The following UBXN6 variants were observed in gnomAD, a reference collection of about 807,000 sequenced individuals.
UBXN6 encodes UBX domain-containing protein 6.
A neutral mutation model predicts 51.4 loss-of-function variants in UBXN6; 44 were observed. That is an observed-to-expected ratio of 0.86 (90% CI 0.67 to 1.10). The LOEUF (loss-of-function observed/expected upper bound fraction) is 1.10. Ranked by LOEUF, UBXN6 falls within the 50% of genes least tolerant of loss-of-function variation. The probability of loss-of-function intolerance (pLI) is 0.00; values close to 1 mark genes in which losing one functional copy is unlikely to be tolerated. For missense variants in UBXN6, 672 were observed against 596.1 expected, an observed-to-expected ratio of 1.13 and a Z score of -1.32; for synonymous variants, 316 against 263.2, an observed-to-expected ratio of 1.20 and a Z score of -1.94.
At chr19:4,450,786 A>AAAAAAAT (rs1974640527) in intron 4 of UBXN6, 1 of 139,780 alleles carries the variant, frequency 7.2e-6, no homozygotes, top group Non-Finnish European at 1.5e-5. Flanking sequence ...AAAAAAAAAA[A>AAAAAAAT]GAGTGCCTAC....
chr19:4,446,360 T>C lies in UBXN6; in HGVS notation c.974A>G (p.Lys325Arg), dbSNP rs1974519890. 6.4e-7 allele frequency: 1 copy of C among 1,572,584 alleles called. No individual in the cohort carries two copies. The highest frequency in any genetic ancestry group is 8.6e-7 in the Non-Finnish European group (1 of 1,165,906). ...CTTGCGCAGCCCCCGCTGCTCCTCCTTCTCCCGCATGGCCTTGGTCCGCAG... is the reference window on the plus strand; with the variant it reads ...CTTGCGCAGCCCCCGCTGCTCCTCCCTCTCCCGCATGGCCTTGGTCCGCAG... ...SVLRTKAMRE[K>R]EEQRGLRKYN... is the part of the protein sequence containing the mutation. The change falls in exon 9 of 11, where the codon AAG (lysine) becomes AGG (arginine). Residue 325 changes from lysine to arginine, a missense_variant. Transcript: ENST00000301281.
rs368127059 is a variant in UBXN6, at chr19:4,446,514, C to A, written c.906G>T (p.Arg302=). The change falls in exon 8 of 11, where the codon CGG becomes CGT. Residue 302 remains arginine (R), a synonymous_variant. Transcript: ENST00000301281. The part of the protein sequence containing the change: ...FFNLTAEEIK[R]EQRLRSEAVE... The stretch of plus-strand genomic sequence containing the variant: ...GTCAGGCCCACCTGAGCCTCTGCTC[C>A]CGCTTGATCTCCTCTGCTGTGAGGT... The A allele has an allele frequency of 1.4e-5, 23 of 1,609,558 alleles. 1 individual carries two copies. The Middle Eastern group carries it at 6.6e-4, about 46-fold the overall frequency.
chr19:4,457,325 C>T (rs1332044421), intron 1 of UBXN6, among the ~76,000 whole-genome samples: 1 of 141,488 alleles, frequency 7.1e-6, no homozygotes, highest in African/African-American at 2.6e-5. Flanking sequence ...CCGAGACCTC[C>T]CCTCCCGCCC....
intron 4 of UBXN6, among the ~76,000 whole-genome samples, 155 bp downstream of exon 4, chr19:4,452,209 G>A (rs530193331): frequency 6.6e-6 from 1 of 152,056 alleles, no homozygotes; most frequent in East Asian, 1.9e-4. Flanking sequence ...ACACAATGGT[G>A]TGCCTGGATT....
intron 4 of UBXN6, among the ~76,000 whole-genome samples, chr19:4,451,764 A>C (rs1006097952): frequency 2.6e-5 from 4 of 151,760 alleles, no homozygotes; most frequent in African/African-American, 9.7e-5. Context: ...CAGCCTCCCG[A>C]GTAGCTGGGA....
In UBXN6 at chr19:4,457,757, G is replaced by C; in HGVS notation, c.-60C>G. 3.9e-6 allele frequency: 4 copies of C among 1,030,888 alleles called. No individual in the cohort carries two copies. Among genetic ancestry groups the C allele is most frequent in the Non-Finnish European group, 5.2e-6 (4 of 771,036 alleles). The allele number at this position is 1,030,888 out of a possible 1,614,324, so 63.9% of individuals were successfully genotyped here. A position where few individuals can be genotyped will look rare whatever the true frequency, so the allele number is the denominator to read the frequency against. On this transcript the variant is annotated 5_prime_UTR_variant, in exon 1 of 11. Transcript: ENST00000301281. ...GGCGGGGGGGCACGGGGCCCAGTCGGGGACGGGGCCGCCGGAGACCAGCCA... is the reference window on the plus strand; with the variant it reads ...GGCGGGGGGGCACGGGGCCCAGTCGCGGACGGGGCCGCCGGAGACCAGCCA...
At chr19:4,454,124 T>C in intron 1 of UBXN6, 31 bp from the exon 2 acceptor site, 1 of 1,501,110 alleles carries the variant, frequency 6.7e-7, no homozygotes, top group Admixed American at 2.2e-5. Flanking sequence ...AGTGAGTGTA[T>C]CCTCCCGAGG....
Position 4,448,302 on chromosome 19 carries a change from G to A in UBXN6, c.539+16C>T, listed in dbSNP as rs1469518167. Reference sequence around the variant, plus strand: ...AGCTGGAGGGGCCAGGCAGGGCAAAGGGGCCACACGCTCACTTGGCAATGG... The same window carrying A: ...AGCTGGAGGGGCCAGGCAGGGCAAAAGGGCCACACGCTCACTTGGCAATGG... On this transcript the variant is annotated intron_variant, in intron 5 of 10. Transcript: ENST00000301281. The A allele has an allele frequency of 1.9e-6, 3 of 1,592,700 alleles. No homozygotes were observed. Among genetic ancestry groups the A allele is most frequent in the Non-Finnish European group, 2.6e-6 (3 of 1,171,372 alleles).
rs113855338 is a variant in UBXN6, at chr19:4,448,335, A to G, written c.522T>C (p.Gly174=). The G allele has an allele frequency of 1.3e-5, 21 of 1,608,400 alleles. No homozygotes were observed. The East Asian group carries it at 4.7e-4, about 36-fold the overall frequency. ...FNKDQDRVKL[G]VDTIAKYLDN... is the part of the protein sequence containing the mutation. The stretch of plus-strand genomic sequence containing the variant: ...ACGCTCACTTGGCAATGGTGTCCAC[A>G]CCCAGCTTCACCCGGTCCTGGTCTT... The change falls in exon 5 of 11, where the codon GGT becomes GGC. Residue 174 remains glycine (G), a synonymous_variant. Transcript: ENST00000301281.
chr19:4,448,299 A>G lies in UBXN6; in HGVS notation c.539+19T>C. On this transcript the variant is annotated intron_variant, in intron 5 of 10. Coordinates refer to ENST00000301281, the MANE Select transcript of UBXN6 (RefSeq NM_025241.3). ...ATGAGCTGGAGGGGCCAGGCAGGGC[A>G]AAGGGGCCACACGCTCACTTGGCAA... 1 of 1,589,844 alleles carries G rather than the reference A, an allele frequency of 6.3e-7. No homozygotes were observed. The highest frequency in any genetic ancestry group is 8.5e-7 in the Non-Finnish European group (1 of 1,169,950).
At chr19:4,452,974 G>A (rs1974679867) in intron 3 of UBXN6, among the ~76,000 whole-genome samples, 1 of 152,120 alleles carries the variant, frequency 6.6e-6, no homozygotes, top group African/African-American at 2.4e-5. Flanking sequence ...AGCTCTGAAG[G>A]CCCACCTCCT....
intron 4 of UBXN6, 148 bp downstream of exon 4, chr19:4,452,216 G>T: frequency 1.8e-6 from 2 of 1,127,552 alleles, no homozygotes; most frequent in Non-Finnish European, 1.2e-6. Context: ...GGTGTGCCTG[G>T]ATTTGGGGTA....
intron 7 of UBXN6, 56 bp downstream of exon 7, chr19:4,446,780 C>T: frequency 1.9e-6 from 3 of 1,613,290 alleles, no homozygotes; most frequent in East Asian, 2.2e-5. Context: ...GCCGGGCCCT[C>T]CTGCCCCGAG....
chr19:4,448,090 C>T, intron 5 of UBXN6: 1 of 583,562 alleles, frequency 1.7e-6, no homozygotes, highest in Non-Finnish European at 3.1e-6. Context: ...GGGTGGGAAA[C>T]CCCTGATTCC....
chr19:4,446,026 T>C (rs1974505198), intron 10 of UBXN6, 23 bp downstream of exon 10: 1 of 1,597,004 alleles, frequency 6.3e-7, no homozygotes, highest in Non-Finnish European at 8.5e-7. Context: ...GGGTCAGCGG[T>C]GCTCCTGCGG....
chr19:4,452,736 C>T (rs901641883), intron 3 of UBXN6, among the ~76,000 whole-genome samples: 1 of 152,158 alleles, frequency 6.6e-6, no homozygotes, highest in South Asian at 2.1e-4. Flanking sequence ...ACGGAAAGTA[C>T]GGAGCAGCTT....
chr19:4,445,192 G>A lies in UBXN6; in HGVS notation c.*306C>T. On this transcript the variant is annotated 3_prime_UTR_variant, in exon 11 of 11. Coordinates refer to ENST00000301281, the MANE Select transcript of UBXN6 (RefSeq NM_025241.3). ...TGCTGCAGGCCTGCTCTCCTGCCCA[G>A]GGAGATGCCACGTGTGTCTGTCCGG... The A allele has an allele frequency of 2.7e-6, 1 of 369,748 alleles. No individual in the cohort carries two copies. The highest frequency in any genetic ancestry group is 5.1e-6 in the Non-Finnish European group (1 of 195,764). The allele number at this position is 369,748 out of a possible 1,614,324, so 22.9% of individuals were successfully genotyped here.
Position 4,455,289 on chromosome 19 carries a change from C to T in UBXN6, c.84-1196G>A, listed in dbSNP as rs188048657. ...GGGAGGCCAGGCTCTCAGTTCAAGC[C>T]CTATACTCCTCTGGCTCTGCTTACA... On this transcript the variant is annotated intron_variant, in intron 1 of 10. Transcript: ENST00000301281. 5.9e-4 allele frequency: 581 copies of T among 985,548 alleles called. 3 individuals carry two copies. The African/African-American group carries it at 9.8e-3, about 17-fold the overall frequency. The allele number at this position is 985,548 out of a possible 1,614,324, so 61.1% of individuals were successfully genotyped here.
intron 4 of UBXN6, among the ~76,000 whole-genome samples, chr19:4,451,363 C>T (rs1221700875): frequency 6.6e-6 from 1 of 152,080 alleles, no homozygotes; most frequent in African/African-American, 2.4e-5. Flanking sequence ...CAGCCACTTA[C>T]TATTTTCTGA....
Sources: allele counts gnomAD v4.1 joint callset (sites outside exome capture counted in the v4.1 genomes callset), GRCh38; gene constraint gnomAD v4.1.1; transcripts MANE v1.5; gene names NCBI Gene and HGNC (gene_info 2026-07-23, HGNC 2026-07-21).